CAMK1D: variants seen among roughly 807,000 people sequenced by gnomAD.
CAMK1D encodes calcium/calmodulin dependent protein kinase ID, also known as calcium/calmodulin-dependent protein kinase type 1D.
CAMK1D carries 9 observed loss-of-function variants against 47.7 expected under a neutral mutation model. That is an observed-to-expected ratio of 0.19 (90% CI 0.11 to 0.33). The LOEUF is 0.33. CAMK1D is among the 10% of genes least tolerant of loss of function. CAMK1D has a pLI of 1.00. For missense variants in CAMK1D, 291 were observed against 488.7 expected (o/e 0.60, Z 3.81); for synonymous variants, 184 against 184.9 (o/e 0.99, Z 0.04).
intron 3 of CAMK1D, among the ~76,000 whole-genome samples, chr10:12,749,065 G>A (rs1835808475): frequency 6.6e-6 from 1 of 152,200 alleles, no homozygotes; most frequent in South Asian, 2.1e-4. Context: ...AAGTGTAAAA[G>A]CGTGAACTTT....
chr10:12,528,544 A>G (rs1035278152), intron 1 of CAMK1D, among the ~76,000 whole-genome samples: 26 of 152,246 alleles, frequency 1.7e-4, no homozygotes, highest in Admixed American at 6.5e-4. Flanking sequence ...CCACATATTC[A>G]AATATTGGAA....
At chr10:12,827,030 C>G (rs889461924) in intron 10 of CAMK1D, among the ~76,000 whole-genome samples, 1 of 152,246 alleles carries the variant, frequency 6.6e-6, no homozygotes, top group African/African-American at 2.4e-5. Flanking sequence ...GGGAGGGCTT[C>G]AGCGCAGCCT....
intron 1 of CAMK1D, among the ~76,000 whole-genome samples, chr10:12,367,467 TA>T (rs1354685508): frequency 6.6e-6 from 1 of 151,904 alleles, no homozygotes; most frequent in Non-Finnish European, 1.5e-5. Flanking sequence ...TATTATTACC[TA>T]TTATTATATT....
At chr10:12,601,520 A>G (rs929985777) in intron 2 of CAMK1D, among the ~76,000 whole-genome samples, 1 of 152,008 alleles carries the variant, frequency 6.6e-6, no homozygotes, top group Non-Finnish European at 1.5e-5. Context: ...CTGGAGTGCA[A>G]TGGCAAAATT....
intron 1 of CAMK1D, among the ~76,000 whole-genome samples, chr10:12,523,638 G>T (rs188249919): frequency 7.7e-4 from 118 of 152,314 alleles, no homozygotes; most frequent in African/African-American, 2.6e-3. Context: ...GCAGGCACTC[G>T]GCAGGCTGAG....
intron 3 of CAMK1D, among the ~76,000 whole-genome samples, chr10:12,751,388 G>A (rs1835978207): frequency 6.6e-6 from 1 of 152,180 alleles, no homozygotes; most frequent in Non-Finnish European, 1.5e-5. Context: ...CAAAGTGCTA[G>A]GAATACAGGA....
intron 4 of CAMK1D, 116 bp downstream of exon 4, chr10:12,761,202 A>G: frequency 8.1e-7 from 1 of 1,229,182 alleles, no homozygotes; most frequent in Non-Finnish European, 1.1e-6. Flanking sequence ...TGGGTGCAGC[A>G]GATGGTGGGC....
chr10:12,700,632 A>T (rs916943714), intron 3 of CAMK1D, among the ~76,000 whole-genome samples: 1 of 152,164 alleles, frequency 6.6e-6, no homozygotes, highest in Non-Finnish European at 1.5e-5. Context: ...CTCAAGCAAA[A>T]AGCAAACATA....
chr10:12,826,652 G>A (rs1240355475), intron 10 of CAMK1D, among the ~76,000 whole-genome samples: 1 of 152,030 alleles, frequency 6.6e-6, no homozygotes, highest in Non-Finnish European at 1.5e-5. Context: ...CTCACCCTGG[G>A]CATCATGCTC....
intron 3 of CAMK1D, among the ~76,000 whole-genome samples, chr10:12,739,481 G>A: frequency 6.7e-6 from 1 of 148,880 alleles, no homozygotes; most frequent in Non-Finnish European, 1.5e-5. Context: ...AGTAGAGACG[G>A]TGTTTCACCA....
intron 3 of CAMK1D, 27 bp from the exon 4 acceptor site, chr10:12,760,921 A>T (rs752450811): frequency 3.1e-6 from 5 of 1,598,926 alleles, no homozygotes; most frequent in Non-Finnish European, 4.3e-6. Context: ...GATCCTTTCA[A>T]ACTTCTAATA....
rs1840817629 is a variant in CAMK1D at position 12,676,618 on chromosome 10, T to G, written c.299+9808T>G. Among the ~76,000 whole-genome samples, 3 of 152,294 alleles carry G rather than the reference T, an allele frequency of 2.0e-5. No individual in the cohort carries two copies. The South Asian group carries it at 6.2e-4, about 32-fold the overall frequency. ...TCAGGAGTTACTGTGATCCCAGTTT[T>G]CAATGAGGAACCTGAGCAGAGAGGT... On this transcript the variant is annotated intron_variant, in intron 3 of 10. Transcript: ENST00000619168.
chr10:12,819,408 G>A (rs1171355208), intron 8 of CAMK1D, among the ~76,000 whole-genome samples: 1 of 152,248 alleles, frequency 6.6e-6, no homozygotes, highest in Admixed American at 6.5e-5. Context: ...AAGGAGGGCA[G>A]GAACTGGCAG....
rs150604599 is a variant in CAMK1D, at chr10:12,693,191, G to A, written c.299+26381G>A. ...CTAGCCTGGCCAACATGGTGAAACC[G>A]CGTCTCTATTAAAAATACAAAAGAT... On this transcript the variant is annotated intron_variant, in intron 3 of 10. Coordinates refer to ENST00000619168, the MANE Select transcript of CAMK1D (RefSeq NM_153498.4). Among the ~76,000 whole-genome samples the A allele has an allele frequency of 1.9e-3, 291 of 152,094 alleles. 1 individual carries two copies. Among genetic ancestry groups the A allele is most frequent in the Middle Eastern group, 0.017 (5 of 294 alleles).
intron 1 of CAMK1D, among the ~76,000 whole-genome samples, chr10:12,515,615 CT>C (rs10567496): frequency 0.14 from 16,137 of 115,450 alleles, 1,223 homozygotes; most frequent in East Asian, 0.22. Flanking sequence ...TCCCCTTCCT[CT>C]TTTTTTTTTT....
intron 1 of CAMK1D, among the ~76,000 whole-genome samples, chr10:12,545,755 G>GCA (rs202126721): frequency 0.017 from 2,517 of 149,528 alleles, 55 homozygotes; most frequent in African/African-American, 0.059. Context: ...AGCCACGATG[G>GCA]CAGCACTGCA....
intron 3 of CAMK1D, among the ~76,000 whole-genome samples, chr10:12,668,722 G>A (rs1840511648): frequency 6.6e-6 from 1 of 152,068 alleles, no homozygotes; most frequent in Non-Finnish European, 1.5e-5. Flanking sequence ...TTTAGAATTT[G>A]CCTTTCTAAG....
rs1263935101 is a variant in CAMK1D, at chr10:12,554,229, C to T, written c.224+873C>T. ...CTGGAGTACAATGGCGCAATCTCAG[C>T]TCACTGCAACTTCCACCTCCTGGCT... On this transcript the variant is annotated intron_variant, in intron 2 of 10. Transcript: ENST00000619168. 1.5e-5 allele frequency among the ~76,000 whole-genome samples: 2 copies of T among 132,384 alleles called. 1 individual carries two copies. The highest frequency in any genetic ancestry group is 3.6e-5 in the Non-Finnish European group (2 of 56,258). The allele number at this position is 132,384 out of a possible 152,430, so 86.8% of individuals were successfully genotyped here.
intron 3 of CAMK1D, among the ~76,000 whole-genome samples, chr10:12,743,346 C>CAAAAAAAAAAAAAAAAAA (rs199673328): frequency 1.1e-5 from 1 of 92,398 alleles, no homozygotes; most frequent in African/African-American, 5.4e-5. Flanking sequence ...GACCCTGTCT[C>CAAAAAAAAAAAAAAAAAA]AAAAAAAAAA....
Sources: gnomAD v4.1 joint callset for allele counts (sites outside exome capture counted in the v4.1 genomes callset) on GRCh38, gnomAD v4.1.1 for gene constraint, MANE v1.5 for transcripts, NCBI Gene and HGNC (gene_info 2026-07-23, HGNC 2026-07-21) for gene names.